The following GLIPR2 variants were observed in gnomAD, a reference collection of about 807,000 sequenced individuals.
GLIPR2 encodes Golgi-associated plant pathogenesis-related protein 1.
Under a neutral mutation model 20.4 loss-of-function variants are expected in GLIPR2, and 21 were observed. The observed-to-expected ratio is 1.03, with a 90% CI of 0.73 to 1.48. The LOEUF (loss-of-function observed/expected upper bound fraction) is 1.48. Among genes scored for constraint, GLIPR2 ranks in the 40% most tolerant of loss-of-function variants. The pLI, the probability that GLIPR2 is intolerant of heterozygous loss-of-function variation, is 0.00. For missense variants in GLIPR2, 205 were observed against 200.1 expected (o/e 1.02, Z -0.15); for synonymous variants, 91 against 80.5 (o/e 1.13, Z -0.70).
intron 1 of GLIPR2, chr9:36,144,669 C>T (rs967469373): frequency 6.6e-6 from 1 of 152,450 alleles, no homozygotes; most frequent in African/African-American, 2.4e-5. Flanking sequence ...CTGCCCTGCC[C>T]ACATTACTCT....
At chr9:36,161,471 G>A (rs998203515) in intron 4 of GLIPR2, among the ~76,000 whole-genome samples, 1 of 150,624 alleles carries the variant, frequency 6.6e-6, no homozygotes, top group South Asian at 2.1e-4. Context: ...GGGAGCCAGG[G>A]AAAGATGAAA....
At chr9:36,152,085 T>C (rs1437893313) in intron 4 of GLIPR2, among the ~76,000 whole-genome samples, 1 of 152,140 alleles carries the variant, frequency 6.6e-6, no homozygotes, top group Non-Finnish European at 1.5e-5. Flanking sequence ...TCTGCAACCA[T>C]GTTGCATTGC....
At chr9:36,159,388 G>A (rs1825963986) in intron 4 of GLIPR2, among the ~76,000 whole-genome samples, 1 of 152,210 alleles carries the variant, frequency 6.6e-6, no homozygotes, top group Non-Finnish European at 1.5e-5. Flanking sequence ...AGGCAGAACT[G>A]GAGTCCAAGA....
intron 2 of GLIPR2, among the ~76,000 whole-genome samples, chr9:36,148,140 C>G (rs559265900): frequency 3.9e-5 from 6 of 151,982 alleles, no homozygotes; most frequent in Non-Finnish European, 8.8e-5. Context: ...CCCAGCTACT[C>G]GAGAGGCTGA....
intron 3 of GLIPR2, among the ~76,000 whole-genome samples, chr9:36,149,388 C>T (rs1378432559): frequency 1.3e-5 from 2 of 152,216 alleles, no homozygotes; most frequent in African/African-American, 4.8e-5. Context: ...CCCAGCACAG[C>T]CTAAGCCAGG....
chr9:36,156,291 G>A (rs925591283), intron 4 of GLIPR2, among the ~76,000 whole-genome samples: 3 of 150,500 alleles, frequency 2.0e-5, no homozygotes, highest in Admixed American at 6.7e-5. Flanking sequence ...GGAGGCTGAC[G>A]TGGGAGGATT....
intron 2 of GLIPR2, 29 bp downstream of exon 2, chr9:36,147,923 T>A (rs781303063): frequency 1.0e-6 from 1 of 993,692 alleles, no homozygotes; most frequent in Non-Finnish European, 1.6e-6. Context: ...CCGGGTAACT[T>A]GGCCCTTCAT....
At chr9:36,158,538 C>A (rs1275841767) in intron 4 of GLIPR2, among the ~76,000 whole-genome samples, 3 of 152,138 alleles carry the variant, frequency 2.0e-5, no homozygotes, top group Non-Finnish European at 4.4e-5. Context: ...CTACTATGTG[C>A]CAGGCCCAGT....
At position 36,162,779 on chromosome 9, in the gene GLIPR2, G is replaced by T. The variant is rs890661551; in HGVS notation, c.*257G>T. 17 of 402,092 alleles carry T rather than the reference G, an allele frequency of 4.2e-5. No homozygotes were observed. In the Admixed American group the frequency reaches 4.3e-4, roughly 10 times the overall value. 24.9% of individuals were successfully genotyped at this position (402,092 alleles called of 1,614,324 possible). Reference sequence around the variant, plus strand: ...TTTGGATTGGGGGGAGGGGGGATCCGTTTTTTTTTTTTAATTTTTTGTTAT... The same window carrying T: ...TTTGGATTGGGGGGAGGGGGGATCCTTTTTTTTTTTTTAATTTTTTGTTAT... On this transcript the variant is annotated 3_prime_UTR_variant, in exon 5 of 5. Transcript: ENST00000377960.
chr9:36,145,578 A>G (rs1232519352), intron 1 of GLIPR2, among the ~76,000 whole-genome samples: 2 of 152,210 alleles, frequency 1.3e-5, no homozygotes, highest in African/African-American at 4.8e-5. Flanking sequence ...TGAATGGTAG[A>G]TGTATGGATG....
chr9:36,143,152 G>C (rs1245472837), intron 1 of GLIPR2, among the ~76,000 whole-genome samples: 1 of 152,160 alleles, frequency 6.6e-6, no homozygotes, highest in African/African-American at 2.4e-5. Context: ...CTGCCGAGGA[G>C]ACTTGAGGGC....
Position 36,147,529 on chromosome 9 carries a change from C to T in GLIPR2, c.14-257C>T, listed in dbSNP as rs76368192. On this transcript the variant is annotated intron_variant, in intron 1 of 4. Coordinates refer to ENST00000377960, the MANE Select transcript of GLIPR2 (RefSeq NM_022343.4). ...CTTCCCATTGCCTTGGATAAAGACC[C>T]AAATGCCTAACAGGGCCCATAAGGC... Among the ~76,000 whole-genome samples the T allele has an allele frequency of 2.6e-3, 398 of 152,306 alleles. 1 individual carries two copies. Among genetic ancestry groups the T allele is most frequent in the African/African-American group, 8.8e-3 (366 of 41,562 alleles).
chr9:36,150,110 G>A (rs1384662361), intron 3 of GLIPR2, among the ~76,000 whole-genome samples: 1 of 152,220 alleles, frequency 6.6e-6, no homozygotes, highest in Non-Finnish European at 1.5e-5. Context: ...TCTGAGGAAG[G>A]ACCCAGGCAT....
At chr9:36,151,023 A>G (rs548491918) in intron 4 of GLIPR2, 74 bp downstream of exon 4, 2 of 951,776 alleles carry the variant, frequency 2.1e-6, no homozygotes, top group South Asian at 2.6e-5. Context: ...TCAGGGAGGA[A>G]CCAGCCCTCT....
chr9:36,140,136 C>G (rs369022811), intron 1 of GLIPR2, among the ~76,000 whole-genome samples: 10 of 152,180 alleles, frequency 6.6e-5, no homozygotes, highest in African/African-American at 2.4e-4. Context: ...CCTGTCCTCT[C>G]TCCCACACTG....
Position 36,158,128 on chromosome 9 carries a change from G to T in GLIPR2, c.305-4234G>T, listed in dbSNP as rs141676174. Among the ~76,000 whole-genome samples the T allele has an allele frequency of 6.5e-3, 984 of 152,208 alleles. 11 individuals are homozygous for T. Among genetic ancestry groups the T allele is most frequent in the African/African-American group, 0.022 (924 of 41,554 alleles). ...GCGCCCGACCGGGCTATGTGACTTTGGGCCAATCTTTCAACCTCTCTGCTA... is the reference window on the plus strand; with the variant it reads ...GCGCCCGACCGGGCTATGTGACTTTTGGCCAATCTTTCAACCTCTCTGCTA... On this transcript the variant is annotated intron_variant, in intron 4 of 4. Coordinates refer to ENST00000377960, the MANE Select transcript of GLIPR2 (RefSeq NM_022343.4).
intron 1 of GLIPR2, among the ~76,000 whole-genome samples, chr9:36,147,124 CA>C (rs1404537540): frequency 6.6e-6 from 1 of 152,190 alleles, no homozygotes; most frequent in Non-Finnish European, 1.5e-5. Flanking sequence ...AATGCTTTAC[CA>C]ATTCTCGAGG....
At chr9:36,142,097 C>G (rs10814336) in intron 1 of GLIPR2, among the ~76,000 whole-genome samples, 21,906 of 152,182 alleles carry the variant, frequency 0.14, 1,640 homozygotes, top group Middle Eastern at 0.19. Flanking sequence ...GCCAGGTATG[C>G]TGGAAAAGCG....
At chr9:36,152,952 CAAAAAAAAAAAAA>C (rs67296666) in intron 4 of GLIPR2, among the ~76,000 whole-genome samples, 6 of 14,008 alleles carry the variant, frequency 4.3e-4, no homozygotes, top group East Asian at 2.4e-3. Context: ...ACTGAAAGTG[CAAAAAAAAAAAAA>C]AAAAAAAAAA....
Sources: gnomAD v4.1 joint callset for allele counts (sites outside exome capture counted in the v4.1 genomes callset) on GRCh38, gnomAD v4.1.1 for gene constraint, MANE v1.5 for transcripts, NCBI Gene and HGNC (gene_info 2026-07-23, HGNC 2026-07-21) for gene names.